Variants in HECTD4 observed in about 807,000 individuals in gnomAD.
HECTD4 encodes probable E3 ubiquitin-protein ligase HECTD4.
In HECTD4, 114 loss-of-function variants were observed where a neutral mutation model predicts 471.5. The observed-to-expected ratio is 0.24, with a 90% confidence interval of 0.21 to 0.28. HECTD4 has a LOEUF of 0.28. HECTD4 is among the 10% of genes least tolerant of loss of function. HECTD4 has a pLI of 1.00. For missense variants in HECTD4, 3,866 were observed against 5,651.5 expected, an observed-to-expected ratio of 0.68 and a Z score of 10.13; for synonymous variants, 2,012 against 2,256.0, an observed-to-expected ratio of 0.89 and a Z score of 3.07.
chr12:112,229,648 G>A (rs765109661), intron 41 of HECTD4, 50 bp downstream of exon 41: 34 of 1,509,506 alleles, frequency 2.3e-5, no homozygotes, highest in East Asian at 2.3e-5. Flanking sequence ...ATTAATGGAT[G>A]CTTATATATA....
rs371337098 is a variant in HECTD4 at position 112,177,832 on chromosome 12, T to G, written c.11363+1099A>C. On this transcript the variant is annotated intron_variant, in intron 64 of 75. Coordinates refer to ENST00000682272, the MANE Select transcript of HECTD4 (RefSeq NM_001388303.1). ...ATGTATAGAATTGCTTCTGTATTTA[T>G]AGAAAGGGTTCTTCCCAAAAGCTAC... Among the ~76,000 whole-genome samples the G allele has an allele frequency of 3.3e-5, 5 of 152,362 alleles. No homozygotes were observed. In the East Asian group the frequency reaches 9.6e-4, roughly 29 times the overall value.
intron 1 of HECTD4, among the ~76,000 whole-genome samples, chr12:112,325,255 G>T (rs2035716793): frequency 1.3e-5 from 2 of 152,166 alleles, no homozygotes; most frequent in African/African-American, 4.8e-5. Context: ...TGCACTGAAA[G>T]AATTTGAGTT....
chr12:112,173,131 G>A lies in HECTD4; in HGVS notation c.11595-270C>T, dbSNP rs1045353814. Among the ~76,000 whole-genome samples the A allele has an allele frequency of 1.3e-5, 2 of 152,108 alleles. No individual in the cohort carries two copies. Among genetic ancestry groups the A allele is most frequent in the Non-Finnish European group, 2.9e-5 (2 of 68,022 alleles). On this transcript the variant is annotated intron_variant, in intron 66 of 75. Coordinates refer to ENST00000682272, the MANE Select transcript of HECTD4 (RefSeq NM_001388303.1). The surrounding 1 kb of genome is among the most constrained non-coding windows in gnomAD (Gnocchi z 4.3). ...CACCCATGCCTCACTCCTGTGTGTCGGCAGCAGCACGTGAGGGTGAAGGAG... is the reference window on the plus strand; with the variant it reads ...CACCCATGCCTCACTCCTGTGTGTCAGCAGCAGCACGTGAGGGTGAAGGAG...
Position 112,192,707 on chromosome 12 carries a change from C to T in HECTD4, c.9145G>A (p.Val3049Met), listed in dbSNP as rs2032120113. The change falls in exon 59 of 76, where the codon GTG (valine) becomes ATG (methionine). Residue 3049 changes from valine to methionine, a missense_variant. Around this residue, in one of 16 missense-constraint regions of HECTD4, gnomAD observed 364 missense variants for 413.2 expected, o/e 0.88. Transcript: ENST00000682272. The part of the protein sequence containing the change: ...RVLVYGLGHK[V>M]KRNGQLNLIE... ...AGGTTCAGCTGGCCATTTCGCTTCA[C>T]TTTGTGGCCGAGGCCATATACGAGC... The T allele has an allele frequency of 6.2e-7, 1 of 1,600,196 alleles. No individual in the cohort carries two copies. Among genetic ancestry groups the T allele is most frequent in the Non-Finnish European group, 8.5e-7 (1 of 1,173,932 alleles).
intron 47 of HECTD4, 41 bp from the exon 48 acceptor site, chr12:112,216,412 A>G: frequency 7.1e-7 from 1 of 1,399,438 alleles, no homozygotes; most frequent in Non-Finnish European, 9.9e-7. Context: ...GACAAGAAAG[A>G]TAAGCCTCAC....
At chr12:112,248,612 C>T (rs765350180) in intron 25 of HECTD4, 100 bp from the exon 26 acceptor site, 1 of 762,194 alleles carries the variant, frequency 1.3e-6, no homozygotes, top group East Asian at 2.9e-5. Flanking sequence ...ACAAGGTCTC[C>T]CTCTGTCACC....
chr12:112,182,403 T>G (rs1206246700), intron 62 of HECTD4, among the ~76,000 whole-genome samples: 1 of 144,044 alleles, frequency 6.9e-6, no homozygotes, highest in Non-Finnish European at 1.5e-5. Flanking sequence ...AAAAAAGAAA[T>G]TAGTGGGGAA....
chr12:112,368,509 A>G (rs1415716798), intron 1 of HECTD4, among the ~76,000 whole-genome samples: 1 of 152,222 alleles, frequency 6.6e-6, no homozygotes, highest in Non-Finnish European at 1.5e-5. Flanking sequence ...TCTTTAAAAT[A>G]GCAGATTTAA....
At chr12:112,186,355 T>TTG (rs2137030597) in intron 60 of HECTD4, among the ~76,000 whole-genome samples, 1 of 148,190 alleles carries the variant, frequency 6.7e-6, no homozygotes, top group East Asian at 1.9e-4. Context: ...TTTTTTTTTT[T>TTG]GAGAGTGAGT....
intron 15 of HECTD4, 30 bp downstream of exon 15, chr12:112,265,848 G>T: frequency 6.6e-7 from 1 of 1,505,228 alleles, no homozygotes; most frequent in African/African-American, 1.4e-5. Context: ...GAACACAAAG[G>T]CTAGAAGTGA....
Position 112,228,164 on chromosome 12 carries a change from G to A in HECTD4, c.6779C>T (p.Thr2260Ile), listed in dbSNP as rs1465134113. 1 of 1,613,962 alleles carries A rather than the reference G, an allele frequency of 6.2e-7. No homozygotes were observed. The highest frequency in any genetic ancestry group is 8.5e-7 in the Non-Finnish European group (1 of 1,179,872). ...CCCATCTCCTGTTGCAGGAAGTGAG[G>A]TGTGAATAGAGAGACTTCCCTCCTG... ...LPQEGSLSIH[T>I]SLPATGDGSA... Residue 2260 changes from threonine (T) to isoleucine (I), a missense_variant, in exon 43 of 76, where the codon ACC becomes ATC. Transcript: ENST00000682272. The surrounding 1 kb of genome is among the most constrained non-coding windows in gnomAD (Gnocchi z 4.9).
chr12:112,368,541 T>C (rs2036609680), intron 1 of HECTD4, among the ~76,000 whole-genome samples: 1 of 152,354 alleles, frequency 6.6e-6, no homozygotes, highest in Admixed American at 6.5e-5. Context: ...AAGACAATTA[T>C]AGTATATCCA....
chr12:112,162,118 G>A lies in HECTD4; in HGVS notation c.*269C>T. ...GGTGGCCATGAGGGACAATGTCCAAGAAGATCAAATTAGACACAAACTGTC... is the reference window on the plus strand; with the variant it reads ...GGTGGCCATGAGGGACAATGTCCAAAAAGATCAAATTAGACACAAACTGTC... On this transcript the variant is annotated 3_prime_UTR_variant, in exon 76 of 76. Coordinates refer to ENST00000682272, the MANE Select transcript of HECTD4 (RefSeq NM_001388303.1). This position sits in a 1 kb window ranked among gnomAD's most constrained non-coding sequence, Gnocchi z 5.2. 1 of 404,754 alleles carries A rather than the reference G, an allele frequency of 2.5e-6. No individual in the cohort carries two copies. 25.1% of individuals were successfully genotyped at this position (404,754 alleles called of 1,614,324 possible). A position where few individuals can be genotyped will look rare whatever the true frequency, so the allele number is the denominator to read the frequency against.
chr12:112,192,495 C>T lies in HECTD4; in HGVS notation c.9292+65G>A. ...CAAGGTACAAAATTCATTATAGCTT[C>T]AAAAAGAAGGCAAGAGGAGAATGAC... On this transcript the variant is annotated intron_variant, in intron 59 of 75. Coordinates refer to ENST00000682272, the MANE Select transcript of HECTD4 (RefSeq NM_001388303.1). 2.4e-6 allele frequency: 3 copies of T among 1,248,806 alleles called. 1 individual carries two copies. The highest frequency in any genetic ancestry group is 2.0e-4 in the Middle Eastern group (1 of 5,060). The allele number at this position is 1,248,806 out of a possible 1,614,324, so 77.4% of individuals were successfully genotyped here.
chr12:112,357,824 C>CT (rs2036371671), intron 1 of HECTD4, among the ~76,000 whole-genome samples: 1 of 152,176 alleles, frequency 6.6e-6, no homozygotes, highest in South Asian at 2.1e-4. Flanking sequence ...TAATCCAATT[C>CT]TAGGCTTCTA....
chr12:112,163,160 G>C lies in HECTD4; in HGVS notation c.13002C>G (p.Ile4334Met), dbSNP rs201265123. The change falls in exon 75 of 76, where the codon ATC (isoleucine) becomes ATG (methionine). Residue 4334 changes from isoleucine (I) to methionine (M), a missense_variant. Around this residue, in one of 16 missense-constraint regions of HECTD4, gnomAD observed 715 missense variants for 1,087.6 expected, o/e 0.66. Transcript: ENST00000682272. This position sits in a 1 kb window ranked among gnomAD's most constrained non-coding sequence, Gnocchi z 8.2. Reference sequence around the variant, plus strand: ...TGCGCTCCTGGTTGCAGGCAAACTTGATGAACTTGCACAGCTCCTCCTGGG... The same window carrying C: ...TGCGCTCCTGGTTGCAGGCAAACTTCATGAACTTGCACAGCTCCTCCTGGG... Reference protein sequence around the residue: ...MFTQEELCKFIKFACNQERIP... With the variant: ...MFTQEELCKFMKFACNQERIP... 1.6e-4 allele frequency: 263 copies of C among 1,613,904 alleles called. 1 individual carries two copies. Among genetic ancestry groups the C allele is most frequent in the Non-Finnish European group, 6.3e-5 (74 of 1,179,884 alleles).
intron 1 of HECTD4, among the ~76,000 whole-genome samples, chr12:112,342,523 G>T (rs1261593130): frequency 1.3e-5 from 2 of 152,052 alleles, no homozygotes; most frequent in African/African-American, 4.8e-5. Flanking sequence ...CCTTTCTTTG[G>T]AACCTATAAC....
intron 47 of HECTD4, 73 bp downstream of exon 47, chr12:112,216,700 C>A: frequency 6.6e-7 from 1 of 1,520,016 alleles, no homozygotes. Flanking sequence ...TCTATTTTGA[C>A]TTCCTGAACA....
At chr12:112,323,965 TCTTCCTTCCTTCCTTCCTTCCTTCCTTC>T (rs1248538588) in intron 1 of HECTD4, among the ~76,000 whole-genome samples, 54 of 43,984 alleles carry the variant, frequency 1.2e-3, no homozygotes, top group Admixed American at 4.5e-3. Context: ...TTTCTTTCTT[TCTTCCTTCCTTCCTTCCTTCCTTCCTTC>T]CTTCCTTCCT....
Sources: gnomAD v4.1 joint callset for allele counts (sites outside exome capture counted in the v4.1 genomes callset) on GRCh38, gnomAD v4.1.1 for gene constraint, gnomAD v4.1.1 regional missense constraint, Gnocchi (gnomAD v3.1) non-coding constraint, MANE v1.5 for transcripts, NCBI Gene and HGNC (gene_info 2026-07-23, HGNC 2026-07-21) for gene names.